Variants in TMEM181 observed in about 807,000 individuals in gnomAD.
The protein encoded by TMEM181 is transmembrane protein 181.
TMEM181 carries 39 observed loss-of-function variants against 71.9 expected under a neutral mutation model. The ratio of observed to expected loss-of-function variants is 0.54; its 90% CI spans 0.42 to 0.71. The LOEUF (loss-of-function observed/expected upper bound fraction) is 0.71. TMEM181 is among the 30% of genes least tolerant of loss of function. The pLI, the probability that TMEM181 is intolerant of heterozygous loss-of-function variation, is 0.00. For synonymous variants in TMEM181, 245 were observed against 228.8 expected (o/e 1.07, Z -0.64); for missense variants, 595 against 583.0 (o/e 1.02, Z -0.21).
chr6:158,540,394 G>C (rs1390442343), intron 1 of TMEM181, among the ~76,000 whole-genome samples: 2 of 152,186 alleles, frequency 1.3e-5, no homozygotes, highest in Admixed American at 6.5e-5. Flanking sequence ...TGCATACATG[G>C]GGCCATCAGA....
intron 1 of TMEM181, among the ~76,000 whole-genome samples, chr6:158,545,829 T>A (rs1781510321): frequency 6.6e-6 from 1 of 152,130 alleles, no homozygotes; most frequent in Non-Finnish European, 1.5e-5. Context: ...CCTGAATAAC[T>A]GGAGCTCTGG....
intron 10 of TMEM181, among the ~76,000 whole-genome samples, chr6:158,621,946 G>A (rs940918327): frequency 4.6e-5 from 7 of 152,248 alleles, no homozygotes; most frequent in Admixed American, 3.9e-4. Flanking sequence ...ATGGGCTCCC[G>A]CAGCTCGCCC....
intron 1 of TMEM181, among the ~76,000 whole-genome samples, chr6:158,570,114 C>T (rs1179593468): frequency 6.6e-6 from 1 of 150,794 alleles, no homozygotes; most frequent in Non-Finnish European, 1.5e-5. Flanking sequence ...GTGGCTGCCC[C>T]GGGGGACGGG....
At chr6:158,559,983 A>T, upstream of TMEM181, 1 of 904,704 alleles carries the variant, frequency 1.1e-6, no homozygotes, top group Non-Finnish European at 1.3e-6. Context: ...GCCACGAAGG[A>T]GGGCCACCCC....
At chr6:158,631,587 G>A (rs1786667770) in intron 16 of TMEM181, among the ~76,000 whole-genome samples, 198 bp downstream of exon 16, 1 of 152,218 alleles carries the variant, frequency 6.6e-6, no homozygotes, top group Non-Finnish European at 1.5e-5. Context: ...CTGGCTACCT[G>A]TAGGGCGTGC....
At chr6:158,553,006 G>A (rs927877178) in intron 1 of TMEM181, among the ~76,000 whole-genome samples, 6 of 152,144 alleles carry the variant, frequency 3.9e-5, no homozygotes, top group Middle Eastern at 3.4e-3. Flanking sequence ...GGGCAACATG[G>A]TGAGACCCCA....
At chr6:158,573,835 G>A (rs1420842417) in intron 2 of TMEM181, among the ~76,000 whole-genome samples, 3 of 152,170 alleles carry the variant, frequency 2.0e-5, no homozygotes, top group African/African-American at 7.2e-5. Flanking sequence ...ACCCAGCTGG[G>A]CGCTGGTGTG....
chr6:158,607,307 A>G lies in TMEM181; in HGVS notation c.637A>G (p.Met213Val). ...MRDWGIEQKW[M>V]SVLLPLLLLY... ...AGACTGGGGCATCGAGCAGAAGTGG[A>G]TGTCTGTTCTCCTGCCTCTGCTGCT... Residue 213 changes from methionine (M) to valine (V), a missense_variant, in exon 8 of 17, where the codon ATG becomes GTG. Physicochemically the swap from Met to Val is conservative, Grantham distance 21 (BLOSUM62 1). Coordinates refer to ENST00000684151, the MANE Select transcript of TMEM181 (RefSeq NM_001376852.1). 2 of 1,614,188 alleles carry G rather than the reference A, an allele frequency of 1.2e-6. No homozygotes were observed. Among genetic ancestry groups the G allele is most frequent in the Non-Finnish European group, 1.7e-6 (2 of 1,180,036 alleles).
In TMEM181 at chr6:158,573,532, CG is replaced by C. The variant is rs2128294162; in HGVS notation, c.112+11del. 6.3e-7 allele frequency: 1 copy of C among 1,595,020 alleles called. No homozygotes were observed. ...CTTCGTTGGGATCAGAGGTAAGGTT[CG>C]GTTTTTACTCATTGAATCTTTTGCC... On this transcript the variant is annotated intron_variant, in intron 2 of 16. Transcript: ENST00000684151.
At chr6:158,631,573 T>C (rs149315570) in intron 16 of TMEM181, among the ~76,000 whole-genome samples, 184 bp downstream of exon 16, 522 of 152,328 alleles carry the variant, frequency 3.4e-3, no homozygotes, top group African/African-American at 0.012. Context: ...AGTAGTCCTT[T>C]CTGCTGGCTA....
At chr6:158,578,121 CA>C (rs2128297089) in intron 2 of TMEM181, among the ~76,000 whole-genome samples, 1 of 152,148 alleles carries the variant, frequency 6.6e-6, no homozygotes, top group Admixed American at 6.5e-5. Context: ...AAGAACAAAA[CA>C]AAACTGTCAG....
intron 4 of TMEM181, 134 bp from the exon 5 acceptor site, chr6:158,585,170 T>C (rs1783696336): frequency 3.4e-6 from 3 of 874,054 alleles, no homozygotes; most frequent in African/African-American, 1.7e-5. Flanking sequence ...GATTTTCAAA[T>C]GTGCTGAGGC....
At chr6:158,589,580 C>A (rs1215524879) in intron 5 of TMEM181, 92 bp from the exon 6 acceptor site, 5 of 903,340 alleles carry the variant, frequency 5.5e-6, no homozygotes, top group African/African-American at 4.9e-5. Context: ...GAGTTCTGCC[C>A]ATCTGCTGTT....
chr6:158,611,152 C>T (rs1433048717), intron 10 of TMEM181: 4 of 529,992 alleles, frequency 7.5e-6, no homozygotes, highest in Non-Finnish European at 1.2e-5. Flanking sequence ...TGACTACTCT[C>T]CTGTCACAGA....
rs761611781 is a variant in TMEM181 at position 158,635,122 on chromosome 6, T to C, written c.*3234T>C. 1.3e-5 allele frequency: 2 copies of C among 152,146 alleles called. No homozygotes were observed. Among genetic ancestry groups the C allele is most frequent in the Non-Finnish European group, 2.9e-5 (2 of 68,016 alleles). The allele number at this position is 152,146 out of a possible 1,614,324, so 9.4% of individuals were successfully genotyped here. A position where few individuals can be genotyped will look rare whatever the true frequency, so the allele number is the denominator to read the frequency against. On this transcript the variant is annotated 3_prime_UTR_variant, in exon 17 of 17. Coordinates refer to ENST00000684151, the MANE Select transcript of TMEM181 (RefSeq NM_001376852.1). ...TGATGCTGTTTATCTTGGTTTGACA[T>C]TGGAGATACGCTAGTAACTGTGATA...
chr6:158,565,348 C>T (rs982768026), intron 1 of TMEM181, among the ~76,000 whole-genome samples: 8 of 152,232 alleles, frequency 5.3e-5, no homozygotes, highest in Middle Eastern at 6.8e-3. Flanking sequence ...TGCCGTGGTC[C>T]CGAGGTGCTC....
intron 6 of TMEM181, among the ~76,000 whole-genome samples, chr6:158,594,113 T>G (rs1291510544): frequency 6.7e-6 from 1 of 149,350 alleles, no homozygotes; most frequent in Non-Finnish European, 1.5e-5. Flanking sequence ...TTTTTTTTTT[T>G]TTTTTTTCTG....
intron 6 of TMEM181, among the ~76,000 whole-genome samples, chr6:158,595,361 G>A (rs55653401): frequency 0.061 from 9,317 of 152,280 alleles, 717 homozygotes; most frequent in African/African-American, 0.17. Flanking sequence ...CAGAATGGCA[G>A]AAATAAGACA....
chr6:158,573,409 TC>T lies in TMEM181; in HGVS notation c.9-10del, dbSNP rs762664159. On this transcript the variant is annotated splice_polypyrimidine_tract_variant and intron_variant, in intron 1 of 16. Coordinates refer to ENST00000684151, the MANE Select transcript of TMEM181 (RefSeq NM_001376852.1). ...CCCTGACCGTCCCTCACTGCTGGCTTCTGCCCCCAGGCTGGCGCCCATGCGG... is the reference window on the plus strand; with the variant it reads ...CCCTGACCGTCCCTCACTGCTGGCTTTGCCCCCAGGCTGGCGCCCATGCGG... The T allele has an allele frequency of 6.4e-7, 1 of 1,570,552 alleles. No homozygotes were observed. Among genetic ancestry groups the T allele is most frequent in the Non-Finnish European group, 8.6e-7 (1 of 1,159,520 alleles).
Sources: allele counts gnomAD v4.1 joint callset (sites outside exome capture counted in the v4.1 genomes callset), GRCh38; gene constraint gnomAD v4.1.1; transcripts MANE v1.5; gene names NCBI Gene and HGNC (gene_info 2026-07-23, HGNC 2026-07-21).